The following PRKCH variants were observed in gnomAD, a reference collection of about 807,000 sequenced individuals.
PRKCH encodes protein kinase C eta type.
A neutral mutation model predicts 82.5 loss-of-function variants in PRKCH; 28 were observed. The ratio of observed to expected loss-of-function variants is 0.34; its 90% CI spans 0.25 to 0.47. PRKCH has a LOEUF of 0.47. Among genes scored for constraint, PRKCH ranks in the 20% least tolerant of loss-of-function variants. The pLI is 1.00. For synonymous variants in PRKCH, 322 were observed against 327.4 expected (o/e 0.98, Z 0.18); for missense variants, 705 against 881.8 (o/e 0.80, Z 2.54).
intron 4 of PRKCH, 41 bp downstream of exon 4, chr14:61,445,767 A>T: frequency 1.3e-6 from 2 of 1,555,956 alleles, no homozygotes; most frequent in Non-Finnish European, 1.8e-6. Context: ...TTTTGTTCCT[A>T]TGTTAAAAGA....
chr14:61,540,376 C>A (rs183257854), intron 12 of PRKCH, among the ~76,000 whole-genome samples: 2 of 152,162 alleles, frequency 1.3e-5, no homozygotes, highest in African/African-American at 4.8e-5. Flanking sequence ...CCTCACCTGT[C>A]GGTCCAAGTA....
chr14:61,372,534 G>C (rs1044659189), intron 1 of PRKCH, among the ~76,000 whole-genome samples: 2 of 151,938 alleles, frequency 1.3e-5, no homozygotes, highest in African/African-American at 4.8e-5. Context: ...CATGTATAGT[G>C]GTTTCAGAAT....
intron 1 of PRKCH, among the ~76,000 whole-genome samples, chr14:61,378,364 C>G (rs1169289537): frequency 6.6e-6 from 1 of 151,988 alleles, no homozygotes; most frequent in Admixed American, 6.6e-5. Context: ...AAGCATGTAC[C>G]ACCACATCTG....
intron 10 of PRKCH, among the ~76,000 whole-genome samples, chr14:61,503,432 T>C (rs1274199691): frequency 2.0e-5 from 3 of 152,160 alleles, no homozygotes; most frequent in African/African-American, 7.2e-5. Context: ...GCAGAATCTG[T>C]GCAGTCTTTG....
At chr14:61,476,425 C>T (rs1201998763) in intron 9 of PRKCH, 1 of 152,204 alleles carries the variant, frequency 6.6e-6, no homozygotes, top group East Asian at 1.9e-4. Flanking sequence ...CCAGAAATGC[C>T]AAAGGAGGTT....
At chr14:61,520,074 CA>C (rs71992585) in intron 10 of PRKCH, among the ~76,000 whole-genome samples, 5,162 of 97,358 alleles carry the variant, frequency 0.053, 223 homozygotes, top group East Asian at 0.33. Flanking sequence ...CTACAGAAAC[CA>C]AAAAAAAAAA....
intron 10 of PRKCH, 21 bp from the exon 11 acceptor site, chr14:61,529,054 G>A: frequency 6.3e-7 from 1 of 1,599,772 alleles, no homozygotes; most frequent in Non-Finnish European, 8.5e-7. Context: ...CCTATCTCGT[G>A]CTGCTCTTTG....
intron 6 of PRKCH, among the ~76,000 whole-genome samples, chr14:61,452,411 A>G (rs1485391522): frequency 2.0e-5 from 3 of 152,162 alleles, no homozygotes; most frequent in Non-Finnish European, 4.4e-5. Context: ...ATAAAACAGG[A>G]ATGTGTTGCT....
At chr14:61,516,183 G>A (rs1166426238) in intron 10 of PRKCH, among the ~76,000 whole-genome samples, 1 of 152,106 alleles carries the variant, frequency 6.6e-6, no homozygotes, top group African/African-American at 2.4e-5. Flanking sequence ...AGCAGATTGA[G>A]GGAGGCAACT....
chr14:61,334,654 C>T (rs562437480), intron 1 of PRKCH, among the ~76,000 whole-genome samples: 3 of 152,112 alleles, frequency 2.0e-5, no homozygotes, highest in Admixed American at 6.5e-5. Flanking sequence ...TCAGAAAGCT[C>T]GGGGCATTGT....
chr14:61,224,097 C>T (rs1055797981), intron 1 of PRKCH, among the ~76,000 whole-genome samples: 1 of 152,186 alleles, frequency 6.6e-6, no homozygotes, highest in Non-Finnish European at 1.5e-5. Flanking sequence ...CTCGATCCCA[C>T]CCCTGACCCT....
At chr14:61,549,134 G>A (rs1310893930) in intron 13 of PRKCH, among the ~76,000 whole-genome samples, 1 of 152,182 alleles carries the variant, frequency 6.6e-6, no homozygotes, top group Non-Finnish European at 1.5e-5. Flanking sequence ...GCTGGAGCCT[G>A]TAGTCCTAAC....
intron 1 of PRKCH, among the ~76,000 whole-genome samples, chr14:61,255,890 T>C (rs1431521387): frequency 6.6e-6 from 1 of 152,200 alleles, no homozygotes; most frequent in Non-Finnish European, 1.5e-5. Flanking sequence ...GTGATGTCTC[T>C]AGTGGTTTAA....
At chr14:61,376,345 G>A (rs1231037745) in intron 1 of PRKCH, among the ~76,000 whole-genome samples, 1 of 152,176 alleles carries the variant, frequency 6.6e-6, no homozygotes, top group Non-Finnish European at 1.5e-5. Context: ...TCAGTCAGCT[G>A]TCTTGTGGTT....
intron 10 of PRKCH, among the ~76,000 whole-genome samples, chr14:61,499,719 G>A (rs947726780): frequency 1.3e-5 from 2 of 151,558 alleles, no homozygotes; most frequent in African/African-American, 2.4e-5. Context: ...AACATCTGCC[G>A]AGCAGTCATT....
chr14:61,450,728 A>G (rs953453315), intron 5 of PRKCH, 114 bp from the exon 6 acceptor site: 4 of 1,250,360 alleles, frequency 3.2e-6, no homozygotes, highest in African/African-American at 1.5e-5. Flanking sequence ...AAAATAATAT[A>G]CCTAGCTCAG....
intron 1 of PRKCH, among the ~76,000 whole-genome samples, chr14:61,375,517 T>G (rs1223950681): frequency 6.6e-6 from 1 of 151,928 alleles, no homozygotes; most frequent in African/African-American, 2.4e-5. Flanking sequence ...GAAAATAGGT[T>G]TAATTGACTC....
At chr14:61,501,100 A>T (rs1466992519) in intron 10 of PRKCH, among the ~76,000 whole-genome samples, 4 of 152,196 alleles carry the variant, frequency 2.6e-5, no homozygotes, top group Non-Finnish European at 4.4e-5. Flanking sequence ...TCCGTTTCTT[A>T]ATCTACATGA....
chr14:61,460,932 GA>G (rs1192622565), intron 9 of PRKCH, among the ~76,000 whole-genome samples: 1 of 152,192 alleles, frequency 6.6e-6, no homozygotes, highest in East Asian at 1.9e-4. Flanking sequence ...GCAGCCTGGA[GA>G]ATGGGTGGAG....
Sources: allele counts gnomAD v4.1 joint callset (sites outside exome capture counted in the v4.1 genomes callset), GRCh38; gene constraint gnomAD v4.1.1; transcripts MANE v1.5; gene names NCBI Gene and HGNC (gene_info 2026-07-23, HGNC 2026-07-21).